The following CNTN6 variants were observed in gnomAD, a reference collection of about 807,000 sequenced individuals.
The protein encoded by CNTN6 is contactin-6.
CNTN6 carries 137 observed loss-of-function variants against 122.8 expected under a neutral mutation model. The ratio of observed to expected loss-of-function variants is 1.12; its 90% CI spans 0.97 to 1.29. The LOEUF is 1.29. CNTN6 is among the 50% of genes most tolerant of loss of function. The pLI is 0.00. For missense variants in CNTN6, 1,634 were observed against 1,223.4 expected (o/e 1.34, Z -5.01); for synonymous variants, 570 against 426.0 (o/e 1.34, Z -4.16).
intron 4 of CNTN6, among the ~76,000 whole-genome samples, chr3:1,277,535 A>G (rs1575525387): frequency 6.6e-6 from 1 of 151,200 alleles, no homozygotes; most frequent in South Asian, 2.1e-4. Context: ...TAATTTTTGT[A>G]ATTTTAGTAG....
intron 5 of CNTN6, among the ~76,000 whole-genome samples, chr3:1,282,852 T>C (rs1363099774): frequency 6.6e-6 from 1 of 152,178 alleles, no homozygotes; most frequent in African/African-American, 2.4e-5. Flanking sequence ...CTCCTTTAGC[T>C]TCTCAGTGCT....
At chr3:1,102,600 C>T (rs564855335) in intron 1 of CNTN6, among the ~76,000 whole-genome samples, 3,568 of 147,082 alleles carry the variant, frequency 0.024, 177 homozygotes, top group African/African-American at 0.085. Flanking sequence ...GTGGTGGCGG[C>T]GCCTGTAGTC....
Position 1,325,960 on chromosome 3 carries a change from C to T in CNTN6, c.1083+9C>T, listed in dbSNP as rs1157610201. The stretch of plus-strand genomic sequence containing the variant: ...AACGACTCAACCCAGAGGTAAGCAA[C>T]TATGTTGATATTAAAAGTTTACCTA... On this transcript the variant is annotated intron_variant, in intron 9 of 22. Transcript: ENST00000446702. 5.6e-6 allele frequency: 9 copies of T among 1,602,750 alleles called. No individual in the cohort carries two copies. Among genetic ancestry groups the T allele is most frequent in the East Asian group, 2.2e-5 (1 of 44,656 alleles).
chr3:1,163,673 TC>T (rs2093183946), intron 2 of CNTN6, among the ~76,000 whole-genome samples: 1 of 152,178 alleles, frequency 6.6e-6, no homozygotes, highest in Non-Finnish European at 1.5e-5. Context: ...CACCTCAGCT[TC>T]CCTAGTTGCT....
rs138823054 is a variant in CNTN6 at position 1,135,260 on chromosome 3, T to C, written c.-82-12667T>C. Reference sequence around the variant, plus strand: ...TTTGCAGAGAAATTTCCCAGAGTTTTACAGCATCACTGTTGACAGGCAACC... The same window carrying C: ...TTTGCAGAGAAATTTCCCAGAGTTTCACAGCATCACTGTTGACAGGCAACC... On this transcript the variant is annotated intron_variant, in intron 1 of 22. Coordinates refer to ENST00000446702, the MANE Select transcript of CNTN6 (RefSeq NM_001289080.2). 3.6e-3 allele frequency among the ~76,000 whole-genome samples: 544 copies of C among 152,296 alleles called. 3 individuals carry two copies. The highest frequency in any genetic ancestry group is 0.012 in the African/African-American group (517 of 41,564).
intron 7 of CNTN6, among the ~76,000 whole-genome samples, chr3:1,320,182 T>C (rs1700653602): frequency 6.6e-6 from 1 of 151,876 alleles, no homozygotes; most frequent in South Asian, 2.1e-4. Context: ...TATATGATAA[T>C]AATTATTTTT....
intron 2 of CNTN6, among the ~76,000 whole-genome samples, chr3:1,218,441 A>C (rs964691340): frequency 1.1e-4 from 17 of 152,162 alleles, no homozygotes; most frequent in African/African-American, 3.6e-4. Flanking sequence ...CACTGGAGGC[A>C]GACCCTAAAC....
chr3:1,249,921 GTGT>G (rs1217193759), intron 4 of CNTN6, among the ~76,000 whole-genome samples: 2 of 151,696 alleles, frequency 1.3e-5, no homozygotes, highest in African/African-American at 4.8e-5. Context: ...CTCTGTTTTT[GTGT>G]TGTTTCTGTT....
intron 20 of CNTN6, among the ~76,000 whole-genome samples, chr3:1,400,347 G>A (rs1695525134): frequency 6.6e-6 from 1 of 152,018 alleles, no homozygotes; most frequent in African/African-American, 2.4e-5. Flanking sequence ...TTCGTCAGCT[G>A]CATGCTTTTG....
intron 21 of CNTN6, 149 bp from the exon 22 acceptor site, chr3:1,402,169 T>C: frequency 1.8e-6 from 1 of 549,294 alleles, no homozygotes; most frequent in Non-Finnish European, 3.0e-6. Flanking sequence ...AGCAATGGAA[T>C]ATAAGGAAAA....
intron 4 of CNTN6, among the ~76,000 whole-genome samples, chr3:1,277,898 G>A (rs925173700): frequency 1.3e-5 from 2 of 152,152 alleles, no homozygotes; most frequent in Non-Finnish European, 2.9e-5. Flanking sequence ...TCATGAGCCT[G>A]CTTTGTAAAG....
chr3:1,279,334 C>T (rs7638616), intron 5 of CNTN6, among the ~76,000 whole-genome samples: 9,960 of 151,826 alleles, frequency 0.066, 406 homozygotes, highest in African/African-American at 0.1. Flanking sequence ...CTGAAGGAGG[C>T]AGTGTGAAAA....
At chr3:1,122,071 T>C (rs377326218) in intron 1 of CNTN6, among the ~76,000 whole-genome samples, 2 of 152,086 alleles carry the variant, frequency 1.3e-5, no homozygotes, top group African/African-American at 4.8e-5. Flanking sequence ...TTCATGAAGA[T>C]TAAATGAATT....
At chr3:1,199,834 T>C (rs868650871) in intron 2 of CNTN6, among the ~76,000 whole-genome samples, 40 of 152,162 alleles carry the variant, frequency 2.6e-4, no homozygotes, top group Admixed American at 5.2e-4. Flanking sequence ...TTTTGGCGTT[T>C]GCAAAAACTT....
At chr3:1,259,221 T>G (rs2094806428) in intron 4 of CNTN6, among the ~76,000 whole-genome samples, 1 of 152,114 alleles carries the variant, frequency 6.6e-6, no homozygotes, top group Non-Finnish European at 1.5e-5. Context: ...GTGTGGGTAC[T>G]ATTTATAACC....
chr3:1,220,765 A>T lies in CNTN6; in HGVS notation c.134A>T (p.Glu45Val). 6.2e-7 allele frequency: 1 copy of T among 1,612,790 alleles called. No individual in the cohort carries two copies. Among genetic ancestry groups the T allele is most frequent in the Non-Finnish European group, 8.5e-7 (1 of 1,179,274 alleles). Residue 45 changes from glutamate (E) to valine (V), a missense_variant, in exon 3 of 23, where the codon GAG becomes GTG. By Grantham distance (121) the Glu-to-Val change is moderately radical (BLOSUM62 -2). Coordinates refer to ENST00000446702, the MANE Select transcript of CNTN6 (RefSeq NM_001289080.2). The part of the protein sequence containing the change: ...VIFPLDLSKS[E>V]VILNCAANGY... The stretch of plus-strand genomic sequence containing the variant: ...TTTCCTTTGGATTTATCAAAATCTG[A>T]GGTCATCCTGAATTGTGCTGCTAAT...
intron 5 of CNTN6, among the ~76,000 whole-genome samples, chr3:1,288,877 GAT>G (rs1694805846): frequency 6.6e-6 from 1 of 152,166 alleles, no homozygotes; most frequent in Non-Finnish European, 1.5e-5. Flanking sequence ...GAGAGCAGCA[GAT>G]AGAGTCTTCA....
intron 2 of CNTN6, among the ~76,000 whole-genome samples, chr3:1,168,974 G>A (rs1266294923): frequency 6.6e-6 from 1 of 152,146 alleles, no homozygotes; most frequent in East Asian, 1.9e-4. Context: ...TGGGAAGGGT[G>A]TTTAAAAAGG....
chr3:1,372,797 TG>T (rs763897015), intron 13 of CNTN6, 40 bp from the exon 14 acceptor site: 6 of 1,228,644 alleles, frequency 4.9e-6, no homozygotes, highest in Non-Finnish European at 7.0e-6. Context: ...ACTTGTTATA[TG>T]GGCTTACGTT....
Sources: gnomAD v4.1 joint callset for allele counts (sites outside exome capture counted in the v4.1 genomes callset) on GRCh38, gnomAD v4.1.1 for gene constraint, MANE v1.5 for transcripts, NCBI Gene and HGNC (gene_info 2026-07-23, HGNC 2026-07-21) for gene names.